NBR1: variants seen among roughly 807,000 people sequenced by gnomAD.
The protein encoded by NBR1 is next to BRCA1 gene 1 protein.
In NBR1, 59 loss-of-function variants were observed where a neutral mutation model predicts 115.5. The ratio of observed to expected loss-of-function variants is 0.51; its 90% CI spans 0.41 to 0.63. The LOEUF is 0.63. Among genes scored for constraint, NBR1 ranks in the 30% least tolerant of loss-of-function variants. The pLI is 0.00. For missense variants in NBR1, 1,043 were observed against 1,150.5 expected (o/e 0.91, Z 1.35); for synonymous variants, 373 against 414.7 (o/e 0.90, Z 1.22).
At chr17:43,189,018 A>T in intron 6 of NBR1, 24 bp from the exon 7 acceptor site, 14 of 1,546,028 alleles carry the variant, frequency 9.1e-6, no homozygotes, top group Non-Finnish European at 1.3e-5. Context: ...AACCTCTAAC[A>T]TCTCGGCTTG....
At chr17:43,182,142 A>G (rs953067502) in intron 5 of NBR1, among the ~76,000 whole-genome samples, 29 of 144,598 alleles carry the variant, frequency 2.0e-4, no homozygotes, top group African/African-American at 7.6e-4. Context: ...GGTGTGCACC[A>G]CCATGCCTGT....
rs1449154962 is a variant in NBR1, at chr17:43,208,044, G to T, written c.2728-1857G>T. ...GAAAGCTGGGAACTAGGAGGAAAATGAAGAGAGAGAGTTCTATGCTGGAAC... is the reference window on the plus strand; with the variant it reads ...GAAAGCTGGGAACTAGGAGGAAAATTAAGAGAGAGAGTTCTATGCTGGAAC... On this transcript the variant is annotated intron_variant, in intron 20 of 20. Transcript: ENST00000590996. Among the ~76,000 whole-genome samples the T allele has an allele frequency of 2.0e-5, 3 of 152,322 alleles. No individual in the cohort carries two copies. The East Asian group carries it at 5.8e-4, about 29-fold the overall frequency.
intron 4 of NBR1, 21 bp downstream of exon 4, chr17:43,179,433 G>GT (rs1471028962): frequency 9.9e-6 from 16 of 1,609,700 alleles, no homozygotes; most frequent in Non-Finnish European, 1.4e-5. Context: ...AAGAGAGTCT[G>GT]TTCAGCCTTG....
At chr17:43,196,418 C>A in intron 14 of NBR1, 63 bp from the exon 15 acceptor site, 1 of 1,000,456 alleles carries the variant, frequency 1.0e-6, no homozygotes, top group Non-Finnish European at 1.5e-6. Context: ...TACTTCTGGA[C>A]ACTGACTGTT....
At position 43,179,499 on chromosome 17, in the gene NBR1, G is replaced by A. The variant is rs367763839; in HGVS notation, c.184+87G>A. 1.0e-4 allele frequency: 133 copies of A among 1,270,870 alleles called. No individual in the cohort carries two copies. The African/African-American group carries it at 1.8e-3, about 17-fold the overall frequency. The allele number at this position is 1,270,870 out of a possible 1,614,324, so 78.7% of individuals were successfully genotyped here. On this transcript the variant is annotated intron_variant, in intron 4 of 20. Coordinates refer to ENST00000590996, the MANE Select transcript of NBR1 (RefSeq NM_005899.5). ...TTTCTATTTATACTCAAACCTTATT[G>A]CAGTATTAATTTTAGAGTGACATTG...
In NBR1 at chr17:43,211,065, T is replaced by C. The variant is rs967411232; in HGVS notation, c.*991T>C. 8 of 202,720 alleles carry C rather than the reference T, an allele frequency of 3.9e-5. No homozygotes were observed. The highest frequency in any genetic ancestry group is 4.6e-5 in the African/African-American group (2 of 43,652). The allele number at this position is 202,720 out of a possible 1,614,324, so 12.6% of individuals were successfully genotyped here. A position where few individuals can be genotyped will look rare whatever the true frequency, so the allele number is the denominator to read the frequency against. On this transcript the variant is annotated 3_prime_UTR_variant, in exon 21 of 21. Transcript: ENST00000590996. ...GACTTCTTTAATGCTTGAAGTCCGT[T>C]CACAGGTATCTAGCCCTAGAATGCC... is the stretch of plus-strand genomic sequence containing the variant.
rs2057256524 is a variant in NBR1, at chr17:43,203,799, G to A, written c.2727+13G>A. 1.3e-6 allele frequency: 2 copies of A among 1,518,018 alleles called. No individual in the cohort carries two copies. The highest frequency in any genetic ancestry group is 1.8e-6 in the Non-Finnish European group (2 of 1,114,154). The allele number at this position is 1,518,018 out of a possible 1,614,324, so 94.0% of individuals were successfully genotyped here. Reference sequence around the variant, plus strand: ...AGTCACTGCACAGGTCAGTGTGTGTGTTTTATTTTCCTGAATCTCAACTCC... The same window carrying A: ...AGTCACTGCACAGGTCAGTGTGTGTATTTTATTTTCCTGAATCTCAACTCC... On this transcript the variant is annotated intron_variant, in intron 20 of 20. Coordinates refer to ENST00000590996, the MANE Select transcript of NBR1 (RefSeq NM_005899.5).
intron 16 of NBR1, among the ~76,000 whole-genome samples, chr17:43,197,490 G>C (rs1183905864): frequency 6.6e-6 from 1 of 150,902 alleles, no homozygotes; most frequent in African/African-American, 2.4e-5. Flanking sequence ...CTGCACTCTA[G>C]CCTGGGCGAC....
rs2057002064 is a variant in NBR1 at position 43,193,593 on chromosome 17, C to A, written c.1479C>A (p.Gly493=). 6.2e-7 allele frequency: 1 copy of A among 1,611,560 alleles called. No individual in the cohort carries two copies. The highest frequency in any genetic ancestry group is 1.3e-5 in the African/African-American group (1 of 74,998). ...AGAGCCCTGATAACATTGAAAAGGG[C>A]ATGATCAGCTCAAGCAAAACTGATG... ...SEESPDNIEK[G]MISSSKTDDL... is the part of the protein sequence containing the mutation. Residue 493 remains glycine (G), a synonymous_variant, in exon 12 of 21, where the codon GGC becomes GGA. Transcript: ENST00000590996.
chr17:43,193,242 G>A lies in NBR1; in HGVS notation c.1222G>A (p.Ala408Thr), dbSNP rs775202382. 3.1e-6 allele frequency: 5 copies of A among 1,613,802 alleles called. No individual in the cohort carries two copies. Among genetic ancestry groups the A allele is most frequent in the African/African-American group, 2.7e-5 (2 of 74,910 alleles). The change falls in exon 11 of 21, where the codon GCA becomes ACA. Residue 408 changes from alanine (A) to threonine (T), a missense_variant. Physicochemically the swap from Ala to Thr is moderately conservative, Grantham distance 58. Transcript: ENST00000590996. ...AAATACAGGAAATGTAAAGTGGAGT[G>A]CAGACACAAAGGTAATTTTTCCCAC... ...MKNTGNVKWSADTKLKFMWGN... is the reference protein window; with the variant it reads ...MKNTGNVKWSTDTKLKFMWGN...
In NBR1 at chr17:43,210,059, C is replaced by A; in HGVS notation, c.2886C>A (p.Tyr962Ter). Residue 962 changes from tyrosine to a stop codon, truncating the protein, a stop_gained, in exon 21 of 21, where the codon TAC (tyrosine) becomes TAA (stop). Transcript: ENST00000590996. LOFTEE classifies it high-confidence loss of function. ...TTCAGTTAAACAACAACGACTGGTA[C>A]AGCCAACGCTATTGAGGAGTGACCT... Reference protein sequence around the residue: ...ELLQLNNNDWYSQRY With the variant: ...ELLQLNNNDW 6.2e-7 allele frequency: 1 copy of A among 1,611,926 alleles called. No homozygotes were observed. The highest frequency in any genetic ancestry group is 8.5e-7 in the Non-Finnish European group (1 of 1,179,114).
At chr17:43,186,214 C>T (rs1435765106) in intron 5 of NBR1, 36 bp from the exon 6 acceptor site, 17 of 1,505,948 alleles carry the variant, frequency 1.1e-5, no homozygotes, top group Non-Finnish European at 1.4e-5. Context: ...AAGATAATCA[C>T]GTCGCATGTT....
Position 43,193,564 on chromosome 17 carries a change from G to A in NBR1, c.1450G>A (p.Glu484Lys), listed in dbSNP as rs371627517. 5.6e-5 allele frequency: 90 copies of A among 1,612,512 alleles called. No homozygotes were observed. The highest frequency in any genetic ancestry group is 5.3e-4 in the South Asian group (48 of 90,766). The stretch of plus-strand genomic sequence containing the variant: ...TATCATAGTAGATCCTTTCCCCTCC[G>A]AAGAGAGCCCTGATAACATTGAAAA... ...CSIIVDPFPS[E>K]ESPDNIEKGM... is the part of the protein sequence containing the mutation. Residue 484 changes from glutamate (E) to lysine (K), a missense_variant, in exon 12 of 21, where the codon GAA (glutamate) becomes AAA (lysine). Physicochemically the swap from Glu to Lys is moderately conservative, Grantham distance 56. Transcript: ENST00000590996.
At chr17:43,190,875 G>A in intron 9 of NBR1, 99 bp downstream of exon 9, 2 of 1,197,120 alleles carry the variant, frequency 1.7e-6, no homozygotes. Context: ...CCTTAGTTCT[G>A]CTCATTTTCA....
chr17:43,196,217 T>G, intron 14 of NBR1: 1 of 327,042 alleles, frequency 3.1e-6, no homozygotes, highest in Non-Finnish European at 5.5e-6. Context: ...CTTGTGTCCT[T>G]TTGTTCCTTT....
In NBR1 at chr17:43,207,922, A is replaced by G. The variant is rs147251318; in HGVS notation, c.2728-1979A>G. ...ATGCTTGAGAGTCACTTGCCTACAGATTATAGCAGAAGCCATCTGATGGAA... is the reference window on the plus strand; with the variant it reads ...ATGCTTGAGAGTCACTTGCCTACAGGTTATAGCAGAAGCCATCTGATGGAA... On this transcript the variant is annotated intron_variant, in intron 20 of 20. Transcript: ENST00000590996. Among the ~76,000 whole-genome samples the G allele has an allele frequency of 4.9e-3, 742 of 152,266 alleles. 3 individuals are homozygous for G. The highest frequency in any genetic ancestry group is 8.5e-3 in the Non-Finnish European group (575 of 68,022).
chr17:43,184,781 TAGAG>T, intron 5 of NBR1, among the ~76,000 whole-genome samples: 1 of 152,152 alleles, frequency 6.6e-6, no homozygotes, highest in East Asian at 1.9e-4. Flanking sequence ...TAAGATTCCA[TAGAG>T]AGAGTCTTGT....
At position 43,196,984 on chromosome 17, in the gene NBR1, C is replaced by T. The variant is rs1446198814; in HGVS notation, c.1904C>T (p.Ser635Phe). 6.2e-7 allele frequency: 1 copy of T among 1,614,008 alleles called. No individual in the cohort carries two copies. Among genetic ancestry groups the T allele is most frequent in the East Asian group, 2.2e-5 (1 of 44,882 alleles). ...AAGAGGAAGGCTGAGAACATTGCTT[C>T]TGTGGAGGAAGCAGAAGAAGACCTG... ...SVKRKAENIA[S>F]VEEAEEDLSG... Residue 635 changes from serine to phenylalanine, a missense_variant, in exon 16 of 21, where the codon TCT (serine) becomes TTT (phenylalanine). Ser to Phe is a radical substitution (Grantham distance 155). Transcript: ENST00000590996.
Position 43,177,990 on chromosome 17 carries a change from A to G in NBR1, c.157A>G (p.Asn53Asp), listed in dbSNP as rs748744867. ...TCAAATAAAATACCTGGATGAGGAA[A>G]ATGAAGAGGTAAAATATATTATGGC... ...TIQIKYLDEE[N>D]EEVSINSQGE... Residue 53 changes from asparagine (N) to aspartate (D), a missense_variant, in exon 3 of 21, where the codon AAT becomes GAT. By Grantham distance (23) the Asn-to-Asp change is conservative. Transcript: ENST00000590996. 6 of 1,571,216 alleles carry G rather than the reference A, an allele frequency of 3.8e-6. No individual in the cohort carries two copies. The East Asian group carries it at 1.4e-4, about 36-fold the overall frequency.
Sources: gnomAD v4.1 joint callset for allele counts (sites outside exome capture counted in the v4.1 genomes callset) on GRCh38, gnomAD v4.1.1 for gene constraint, MANE v1.5 for transcripts, NCBI Gene and HGNC (gene_info 2026-07-23, HGNC 2026-07-21) for gene names.